Variants in TBK1 observed in about 807,000 individuals in gnomAD.
TBK1 encodes serine/threonine-protein kinase TBK1.
A neutral mutation model predicts 99.9 loss-of-function variants in TBK1; 37 were observed. That is an observed-to-expected ratio of 0.37 (90% CI 0.28 to 0.49). The LOEUF is 0.49. TBK1 is among the 20% of genes least tolerant of loss of function. The pLI is 0.98. For synonymous variants in TBK1, 258 were observed against 279.8 expected (o/e 0.92, Z 0.78); for missense variants, 644 against 872.5 (o/e 0.74, Z 3.30).
intron 6 of TBK1, among the ~76,000 whole-genome samples, chr12:64,479,003 G>A (rs939249004): frequency 6.6e-6 from 1 of 152,184 alleles, no homozygotes; most frequent in African/African-American, 2.4e-5. Flanking sequence ...ACCATTAGAA[G>A]AATTTTATTT....
At chr12:64,467,242 G>T (rs180799730) in intron 5 of TBK1, among the ~76,000 whole-genome samples, 160 bp downstream of exon 5, 188 of 152,194 alleles carry the variant, frequency 1.2e-3, no homozygotes, top group African/African-American at 4.2e-3. Context: ...TTAGGTACTC[G>T]CTTCCAAGGG....
chr12:64,461,017 G>GCTAT (rs2136057413), intron 3 of TBK1, among the ~76,000 whole-genome samples: 1 of 151,622 alleles, frequency 6.6e-6, no homozygotes, highest in South Asian at 2.1e-4. Context: ...AGAGGTCAAG[G>GCTAT]CTATGGTGAA....
intron 2 of TBK1, among the ~76,000 whole-genome samples, chr12:64,459,680 C>T (rs549110132): frequency 2.3e-4 from 35 of 152,268 alleles, no homozygotes; most frequent in African/African-American, 8.2e-4. Context: ...CCCTCCCCCA[C>T]GTTGTCCTAG....
chr12:64,455,446 C>CAA (rs1292475160), intron 1 of TBK1, among the ~76,000 whole-genome samples: 2 of 152,078 alleles, frequency 1.3e-5, no homozygotes, highest in African/African-American at 2.4e-5. Context: ...CCATTTATAC[C>CAA]ATTATGTCAA....
In TBK1 at chr12:64,501,315, G is replaced by C. The variant is rs754657169; in HGVS notation, c.2139-15G>C. 7 of 1,610,790 alleles carry C rather than the reference G, an allele frequency of 4.3e-6. No homozygotes were observed. In the South Asian group the frequency reaches 5.5e-5, roughly 13 times the overall value. On this transcript the variant is annotated splice_polypyrimidine_tract_variant and intron_variant, in intron 20 of 20. Coordinates refer to ENST00000331710, the MANE Select transcript of TBK1 (RefSeq NM_013254.4). Reference sequence around the variant, plus strand: ...CTTTTGAGATTACCTTTTTTTCTTTGTGTGTGTGTTTTAGGTTTGGCTCTT... The same window carrying C: ...CTTTTGAGATTACCTTTTTTTCTTTCTGTGTGTGTTTTAGGTTTGGCTCTT...
intron 13 of TBK1, among the ~76,000 whole-genome samples, chr12:64,490,474 T>C (rs925725709): frequency 6.6e-6 from 1 of 152,144 alleles, no homozygotes; most frequent in Non-Finnish European, 1.5e-5. Flanking sequence ...TTGAAATTTT[T>C]TGTAACATAT....
At chr12:64,457,244 T>C (rs1565811018) in intron 2 of TBK1, among the ~76,000 whole-genome samples, 1 of 152,164 alleles carries the variant, frequency 6.6e-6, no homozygotes, top group African/African-American at 2.4e-5. Flanking sequence ...ATATTGACTA[T>C]AAACACCCTT....
intron 13 of TBK1, among the ~76,000 whole-genome samples, chr12:64,492,913 T>C (rs1402953758): frequency 6.7e-6 from 1 of 150,314 alleles, no homozygotes; most frequent in Non-Finnish European, 1.5e-5. Context: ...TTTTTTTTTT[T>C]TGGAGACGAA....
At chr12:64,479,888 T>C (rs915243233) in intron 6 of TBK1, 124 bp from the exon 7 acceptor site, 1 of 596,120 alleles carries the variant, frequency 1.7e-6, no homozygotes, top group Non-Finnish European at 3.0e-6. Flanking sequence ...CCTGTGAGCA[T>C]CAATCACAAA....
At position 64,497,710 on chromosome 12, in the gene TBK1, C is replaced by T. The variant is rs1415203232; in HGVS notation, c.2022C>T (p.Thr674=). The T allele has an allele frequency of 6.2e-7, 1 of 1,608,540 alleles. No homozygotes were observed. Among genetic ancestry groups the T allele is most frequent in the Admixed American group, 1.7e-5 (1 of 59,232 alleles). Residue 674 remains threonine (T), a synonymous_variant, in exon 19 of 21, where the codon ACC becomes ACT. Transcript: ENST00000331710. ...TASSGIKHTM[T]PIYPSSNTLV... is the part of the protein sequence containing the mutation. ...CCAGTGGAATCAAACATACCATGAC[C>T]CCAATTTATCCAAGTTCTAACACAT...
At chr12:64,457,811 A>G (rs1355848133) in intron 2 of TBK1, among the ~76,000 whole-genome samples, 1 of 152,200 alleles carries the variant, frequency 6.6e-6, no homozygotes, top group African/African-American at 2.4e-5. Context: ...ATGTTTGCTG[A>G]ATGAAAGAAT....
rs778841271 is a variant in TBK1 at position 64,496,973 on chromosome 12, A to G, written c.1785A>G (p.Thr595=). ...GGCAAAAACTGTATTACCATGCCACAAAAGCTATGACGCACTTTACAGATG... is the reference window on the plus strand; with the variant it reads ...GGCAAAAACTGTATTACCATGCCACGAAAGCTATGACGCACTTTACAGATG... The part of the protein sequence containing the change: ...FDKQKLYYHA[T]KAMTHFTDEC... Residue 595 remains threonine, a synonymous_variant, in exon 17 of 21, where the codon ACA becomes ACG. Coordinates refer to ENST00000331710, the MANE Select transcript of TBK1 (RefSeq NM_013254.4). 2.6e-5 allele frequency: 42 copies of G among 1,612,658 alleles called. No individual in the cohort carries two copies. Among genetic ancestry groups the G allele is most frequent in the Middle Eastern group, 1.6e-4 (1 of 6,076 alleles).
chr12:64,484,507 G>A lies in TBK1; in HGVS notation c.1189+8G>A. 6.3e-7 allele frequency: 1 copy of A among 1,591,950 alleles called. No individual in the cohort carries two copies. The highest frequency in any genetic ancestry group is 1.4e-5 in the African/African-American group (1 of 73,678). ...GATTAATATATGAAAAAAGTAAGTT[G>A]GGATTTTTCTTGTCGTTCTTACTAG... On this transcript the variant is annotated splice_region_variant and intron_variant, in intron 9 of 20. Coordinates refer to ENST00000331710, the MANE Select transcript of TBK1 (RefSeq NM_013254.4).
intron 1 of TBK1, among the ~76,000 whole-genome samples, chr12:64,453,680 G>A (rs1340809072): frequency 2.0e-5 from 3 of 152,178 alleles, no homozygotes; most frequent in Non-Finnish European, 2.9e-5. Context: ...TTAACTTACT[G>A]TGGAGGGATA....
intron 1 of TBK1, among the ~76,000 whole-genome samples, chr12:64,453,311 A>G (rs940913781): frequency 6.6e-6 from 1 of 152,254 alleles, no homozygotes; most frequent in Non-Finnish European, 1.5e-5. Flanking sequence ...TCCTGAAGGT[A>G]CATACATATA....
intron 2 of TBK1, among the ~76,000 whole-genome samples, chr12:64,456,506 G>A (rs1314669828): frequency 6.6e-6 from 1 of 152,252 alleles, no homozygotes; most frequent in East Asian, 1.9e-4. Context: ...GGTAGTGGAA[G>A]TGGGAATAAA....
intron 4 of TBK1, among the ~76,000 whole-genome samples, chr12:64,466,370 C>T (rs868251942): frequency 9.9e-5 from 15 of 152,072 alleles, no homozygotes; most frequent in South Asian, 4.2e-4. Context: ...AAAAAATGGG[C>T]TTTTTGGAAT....
intron 1 of TBK1, among the ~76,000 whole-genome samples, chr12:64,454,868 G>A (rs1480182662): frequency 7.7e-4 from 117 of 151,052 alleles, no homozygotes; most frequent in African/African-American, 2.8e-3. Context: ...TAGTAGAGAC[G>A]GGGTTTCACC....
At chr12:64,487,046 G>T (rs1412771208) in intron 11 of TBK1, among the ~76,000 whole-genome samples, 1 of 152,126 alleles carries the variant, frequency 6.6e-6, no homozygotes, top group African/African-American at 2.4e-5. Flanking sequence ...TTCTAGTTCA[G>T]AATAACTGGT....
Sources: gnomAD v4.1 joint callset for allele counts (sites outside exome capture counted in the v4.1 genomes callset) on GRCh38, gnomAD v4.1.1 for gene constraint, MANE v1.5 for transcripts, NCBI Gene and HGNC (gene_info 2026-07-23, HGNC 2026-07-21) for gene names.